CRPPA: variants seen among roughly 807,000 people sequenced by gnomAD.
CRPPA encodes D-ribitol-5-phosphate cytidylyltransferase.
Under a neutral mutation model 52.0 loss-of-function variants are expected in CRPPA, and 43 were observed. The observed-to-expected ratio is 0.83, with a 90% CI of 0.65 to 1.07. The LOEUF (loss-of-function observed/expected upper bound fraction) is 1.07. Ranked by LOEUF, CRPPA falls within the 50% of genes least tolerant of loss-of-function variation. CRPPA has a pLI of 0.00. For synonymous variants in CRPPA, 250 were observed against 203.5 expected (o/e 1.23, Z -1.94); for missense variants, 629 against 551.7 (o/e 1.14, Z -1.40).
intron 2 of CRPPA, among the ~76,000 whole-genome samples, chr7:16,393,824 A>T (rs1182429153): frequency 6.6e-6 from 1 of 152,126 alleles, no homozygotes; most frequent in African/African-American, 2.4e-5. Flanking sequence ...CACTGGCCAA[A>T]GTATTAGTGT....
chr7:16,180,343 A>G (rs1781385923), intron 9 of CRPPA, among the ~76,000 whole-genome samples: 2 of 152,118 alleles, frequency 1.3e-5, no homozygotes, highest in South Asian at 4.1e-4. Flanking sequence ...ACTACACTAT[A>G]TTTTCCATAA....
chr7:16,112,590 T>G (rs1782289004), intron 9 of CRPPA, among the ~76,000 whole-genome samples: 1 of 151,974 alleles, frequency 6.6e-6, no homozygotes, highest in Non-Finnish European at 1.5e-5. Context: ...CAAAAAACAA[T>G]GGAATATGGG....
intron 2 of CRPPA, among the ~76,000 whole-genome samples, chr7:16,381,434 G>A (rs1395183849): frequency 6.6e-6 from 1 of 151,920 alleles, no homozygotes; most frequent in Non-Finnish European, 1.5e-5. Context: ...TTTGGAATAG[G>A]TTTGGTGTGG....
At chr7:16,248,373 T>C (rs1783338916) in intron 8 of CRPPA, among the ~76,000 whole-genome samples, 9 of 152,028 alleles carry the variant, frequency 5.9e-5, no homozygotes, top group Admixed American at 5.9e-4. Flanking sequence ...TGTGCCTGTC[T>C]TTGTGCATTT....
intron 9 of CRPPA, among the ~76,000 whole-genome samples, chr7:16,204,215 C>A (rs572588600): frequency 2.0e-5 from 3 of 152,194 alleles, no homozygotes; most frequent in Admixed American, 2.0e-4. Context: ...CTTCCATCTA[C>A]AATGTCATAA....
intron 9 of CRPPA, among the ~76,000 whole-genome samples, chr7:16,186,062 A>T (rs533828347): frequency 1.3e-5 from 2 of 152,350 alleles, no homozygotes; most frequent in African/African-American, 4.8e-5. Context: ...TCCAGGACAT[A>T]CAAATCCATA....
At position 16,106,614 on chromosome 7, in the gene CRPPA, G is replaced by A. The variant is rs367869362; in HGVS notation, c.1252-14815C>T. Among the ~76,000 whole-genome samples, 9 of 152,312 alleles carry A rather than the reference G, an allele frequency of 5.9e-5. No individual in the cohort carries two copies. In the South Asian group the frequency reaches 1.9e-3, roughly 32 times the overall value. On this transcript the variant is annotated intron_variant, in intron 9 of 9. Transcript: ENST00000407010. ...ACCAGCTGGCCCTTCCAGAATCACA[G>A]TCTAGGCTACATAGTGAAGATCTAT...
intron 8 of CRPPA, among the ~76,000 whole-genome samples, chr7:16,235,333 C>A (rs1344185991): frequency 6.6e-6 from 1 of 151,998 alleles, no homozygotes; most frequent in Non-Finnish European, 1.5e-5. Context: ...TACTTTAAAT[C>A]GTGAGGCTTC....
At chr7:16,343,015 G>A (rs1282321904) in intron 3 of CRPPA, among the ~76,000 whole-genome samples, 2 of 151,374 alleles carry the variant, frequency 1.3e-5, no homozygotes, top group Non-Finnish European at 2.9e-5. Context: ...AATCCAGCCT[G>A]AATGACAAAG....
chr7:16,385,605 A>G (rs1489386074), intron 2 of CRPPA, among the ~76,000 whole-genome samples: 1 of 152,250 alleles, frequency 6.6e-6, no homozygotes, highest in Non-Finnish European at 1.5e-5. Flanking sequence ...TCATCTTAGA[A>G]AAAAGTAGCA....
intron 9 of CRPPA, among the ~76,000 whole-genome samples, chr7:16,107,888 T>C (rs1334251158): frequency 1.3e-5 from 2 of 152,066 alleles, no homozygotes; most frequent in East Asian, 1.9e-4. Context: ...AAGTACAAAG[T>C]AGAGTTATAT....
At chr7:16,280,014 C>G (rs1784288573) in intron 5 of CRPPA, among the ~76,000 whole-genome samples, 1 of 152,162 alleles carries the variant, frequency 6.6e-6, no homozygotes, top group African/African-American at 2.4e-5. Context: ...GAGAAGAGAG[C>G]TTGTGCAGGG....
At chr7:16,354,172 C>T (rs375462958) in intron 3 of CRPPA, among the ~76,000 whole-genome samples, 1 of 152,072 alleles carries the variant, frequency 6.6e-6, no homozygotes, top group East Asian at 1.9e-4. Context: ...TGACAATATT[C>T]TCTTGGAAAC....
chr7:16,106,905 C>G (rs565301072), intron 9 of CRPPA, among the ~76,000 whole-genome samples: 5 of 151,542 alleles, frequency 3.3e-5, no homozygotes, highest in African/African-American at 4.8e-5. Flanking sequence ...ATTTGGAAAA[C>G]AAAGACTTGA....
chr7:16,278,167 C>G lies in CRPPA; in HGVS notation c.895G>C (p.Gly299Arg), dbSNP rs373890080. 8.5e-5 allele frequency: 135 copies of G among 1,580,404 alleles called. No homozygotes were observed. Among genetic ancestry groups the G allele is most frequent in the Non-Finnish European group, 1.1e-4 (123 of 1,155,806 alleles). Residue 299 changes from glycine (G) to arginine (R), a missense_variant, in exon 6 of 10, where the codon GGT (glycine) becomes CGT (arginine). By Grantham distance (125) the Gly-to-Arg change is moderately radical. Transcript: ENST00000407010. ...TTCAGCACTTCTTCAAGAAGATGAC[C>G]TACATGTTTGTTATCTTCTTCTGTA... ...MDTEEDNKHV[G>R]HLLEEVLKSE...
intron 9 of CRPPA, among the ~76,000 whole-genome samples, chr7:16,194,642 C>T (rs1235113475): frequency 7.2e-5 from 11 of 151,986 alleles, no homozygotes; most frequent in Admixed American, 7.2e-4. Flanking sequence ...TGCTGTATTG[C>T]TTTAATGGTA....
chr7:16,202,912 G>T (rs1001178594), intron 9 of CRPPA, among the ~76,000 whole-genome samples: 1 of 151,902 alleles, frequency 6.6e-6, no homozygotes, highest in Non-Finnish European at 1.5e-5. Context: ...TTCCTTCCTT[G>T]CCTAGGGAAT....
chr7:16,200,357 A>G (rs1390504125), intron 9 of CRPPA, among the ~76,000 whole-genome samples: 1 of 152,204 alleles, frequency 6.6e-6, no homozygotes, highest in African/African-American at 2.4e-5. Flanking sequence ...ATGTTAGACT[A>G]CAAACCTCAA....
At chr7:16,398,489 C>T (rs1226924175) in intron 2 of CRPPA, among the ~76,000 whole-genome samples, 4 of 151,842 alleles carry the variant, frequency 2.6e-5, no homozygotes, top group Admixed American at 6.6e-5. Flanking sequence ...GGCACATGAC[C>T]TATATCATTG....
Sources: allele counts gnomAD v4.1 joint callset (sites outside exome capture counted in the v4.1 genomes callset), GRCh38; gene constraint gnomAD v4.1.1; transcripts MANE v1.5; gene names NCBI Gene and HGNC (gene_info 2026-07-23, HGNC 2026-07-21).